Variants in GPAM observed in about 807,000 individuals in gnomAD.
The protein encoded by GPAM is glycerol-3-phosphate acyltransferase 1, mitochondrial.
In GPAM, 56 loss-of-function variants were observed where a neutral mutation model predicts 105.0. The observed-to-expected ratio is 0.53, with a 90% CI of 0.43 to 0.67. GPAM has a LOEUF of 0.67. GPAM is among the 30% of genes least tolerant of loss of function. The pLI is 0.00. For synonymous variants in GPAM, 368 were observed against 354.4 expected (o/e 1.04, Z -0.43); for missense variants, 855 against 989.8 (o/e 0.86, Z 1.83).
chr10:112,202,487 C>A (rs1226688407), intron 1 of GPAM, among the ~76,000 whole-genome samples: 1 of 152,066 alleles, frequency 6.6e-6, no homozygotes, highest in East Asian at 1.9e-4. Flanking sequence ...TTTAAAAAGG[C>A]AAAATAGGAA....
chr10:112,225,096 G>A, the GPAM span, among the ~76,000 whole-genome samples: 6 of 152,142 alleles, frequency 3.9e-5, no homozygotes, highest in African/African-American at 1.2e-4. Context: ...GCAAGAAAGT[G>A]GCCCCAGGGG....
In GPAM at chr10:112,161,674, T is replaced by C; in HGVS notation, c.1487A>G (p.His496Arg). 3.7e-6 allele frequency: 6 copies of C among 1,611,824 alleles called. No individual in the cohort carries two copies. The highest frequency in any genetic ancestry group is 5.1e-6 in the Non-Finnish European group (6 of 1,177,960). ...GTGACATTGCAGACATACCTGCCTG[T>C]GTCTGTAGAGGAGCAGGCAAGCCAC... Reference protein sequence around the residue: ...HIVACLLLYRHRQGIDLSTLV... With the variant: ...HIVACLLLYRRRQGIDLSTLV... The change falls in exon 15 of 22, where the codon CAC becomes CGC. Residue 496 changes from histidine to arginine, a missense_variant. Coordinates refer to ENST00000348367, the MANE Select transcript of GPAM (RefSeq NM_001244949.2).
chr10:112,190,445 A>G (rs1468677668), intron 1 of GPAM, among the ~76,000 whole-genome samples: 1 of 151,262 alleles, frequency 6.6e-6, no homozygotes, highest in Admixed American at 6.6e-5. Context: ...CCAGAGAGTG[A>G]GCCAAGATTG....
At chr10:112,213,233 G>A (rs1473205606) in intron 1 of GPAM, among the ~76,000 whole-genome samples, 1 of 152,154 alleles carries the variant, frequency 6.6e-6, no homozygotes, top group African/African-American at 2.4e-5. Context: ...TGGTCATGAT[G>A]ACATAGATGT....
intron 20 of GPAM, 138 bp downstream of exon 20, chr10:112,155,726 A>G (rs1234380241): frequency 3.2e-6 from 2 of 616,678 alleles, no homozygotes; most frequent in East Asian, 2.8e-5. Flanking sequence ...ATAACATGCC[A>G]AAGAAGATAA....
rs1129555 is a variant in GPAM at position 112,150,963 on chromosome 10, A to G, written c.*2587T>C. On this transcript the variant is annotated 3_prime_UTR_variant, in exon 22 of 22. Transcript: ENST00000348367. ...GATTCCAGAAGGAAGACTCGAAGCC[A>G]TCTCAGTTAACAGTTCTACACATTT... The G allele has an allele frequency of 0.72, 712,365 of 983,986 alleles. 258,178 individuals are homozygous for G. Among genetic ancestry groups the G allele is most frequent in the South Asian group, 0.82 (17,377 of 21,244 alleles). The allele number at this position is 983,986 out of a possible 1,614,324, so 61.0% of individuals were successfully genotyped here. A position where few individuals can be genotyped will look rare whatever the true frequency, so the allele number is the denominator to read the frequency against.
At position 112,151,994 on chromosome 10, in the gene GPAM, T is replaced by C; in HGVS notation, c.*1556A>G. 1.0e-6 allele frequency: 1 copy of C among 980,952 alleles called. No individual in the cohort carries two copies. The highest frequency in any genetic ancestry group is 1.2e-6 in the Non-Finnish European group (1 of 825,874). The allele number at this position is 980,952 out of a possible 1,614,324, so 60.8% of individuals were successfully genotyped here. ...GAGAGGGATCACAACAGCATAGCATTATTGCTATGAGTTTCAAACATGGTA... is the reference window on the plus strand; with the variant it reads ...GAGAGGGATCACAACAGCATAGCATCATTGCTATGAGTTTCAAACATGGTA... On this transcript the variant is annotated 3_prime_UTR_variant, in exon 22 of 22. Coordinates refer to ENST00000348367, the MANE Select transcript of GPAM (RefSeq NM_001244949.2).
At chr10:112,182,143 C>G (rs1847520857) in intron 2 of GPAM, among the ~76,000 whole-genome samples, 1 of 151,980 alleles carries the variant, frequency 6.6e-6, no homozygotes, top group South Asian at 2.1e-4. Flanking sequence ...AAATAGTATC[C>G]AAACAAAATA....
intron 5 of GPAM, among the ~76,000 whole-genome samples, chr10:112,176,449 A>G (rs1847406576): frequency 6.6e-6 from 1 of 152,236 alleles, no homozygotes; most frequent in African/African-American, 2.4e-5. Flanking sequence ...TAATGATTAC[A>G]TGATATCACA....
At position 112,168,483 on chromosome 10, in the gene GPAM, G is replaced by T. The variant is rs556948011; in HGVS notation, c.936C>A (p.Ile312=). The change falls in exon 11 of 22, where the codon ATC becomes ATA. Residue 312 remains isoleucine (I), a synonymous_variant. Coordinates refer to ENST00000348367, the MANE Select transcript of GPAM (RefSeq NM_001244949.2). The stretch of plus-strand genomic sequence containing the variant: ...TCCTAGAACGTGTGCCTTCCAGGAA[G>T]ATCTCCAAGAATTGCTGCTGTCGAA... ...ELLRQQQFLE[I]FLEGTRSRSG... 4.3e-6 allele frequency: 7 copies of T among 1,612,558 alleles called. No individual in the cohort carries two copies. The South Asian group carries it at 7.7e-5, about 18-fold the overall frequency.
At chr10:112,196,248 G>C (rs944709962) in intron 1 of GPAM, among the ~76,000 whole-genome samples, 7 of 152,316 alleles carry the variant, frequency 4.6e-5, no homozygotes, top group African/African-American at 1.7e-4. Flanking sequence ...AGGAGAAGCT[G>C]AACTACTTTG....
chr10:112,214,831 T>C lies in GPAM; in HGVS notation n.210+337A>G, dbSNP rs759152868. Among the ~76,000 whole-genome samples the C allele has an allele frequency of 8.4e-4, 128 of 152,290 alleles. 2 individuals carry two copies. The highest frequency in any genetic ancestry group is 8.3e-4 in the South Asian group (4 of 4,830). On this transcript the variant is annotated intron_variant and non_coding_transcript_variant, in intron 1 of 3. Transcript: ENST00000480130. ...AACTGTCCAAAACCTTCTCAGGATTTGGGGGTTCTGAGCCAGGATGGAGGA... is the reference window on the plus strand; with the variant it reads ...AACTGTCCAAAACCTTCTCAGGATTCGGGGGTTCTGAGCCAGGATGGAGGA...
chr10:112,186,703 C>G (rs1026131881), upstream of GPAM, among the ~76,000 whole-genome samples: 1 of 152,024 alleles, frequency 6.6e-6, no homozygotes, highest in Admixed American at 6.6e-5. Context: ...CCCGCCACAA[C>G]GCCCAGCTAA....
intron 9 of GPAM, 107 bp from the exon 10 acceptor site, chr10:112,169,059 C>T (rs1194991157): frequency 4.0e-6 from 3 of 752,196 alleles, no homozygotes; most frequent in African/African-American, 3.5e-5. Flanking sequence ...GCCATATGTG[C>T]CGTTTGAGCA....
chr10:112,157,196 C>A (rs1458141002), intron 19 of GPAM, 53 bp downstream of exon 19: 1 of 1,510,532 alleles, frequency 6.6e-7, no homozygotes, highest in Admixed American at 1.7e-5. Flanking sequence ...CTCACTGCAG[C>A]ATAAACCTCA....
Position 112,151,228 on chromosome 10 carries a change from A to T in GPAM, c.*2322T>A, listed in dbSNP as rs1241574842. Reference sequence around the variant, plus strand: ...TTATTTACAAGCACCTAGTTTGTTTAACCTTATGTGGAAGCCATCACTGTT... The same window carrying T: ...TTATTTACAAGCACCTAGTTTGTTTTACCTTATGTGGAAGCCATCACTGTT... On this transcript the variant is annotated 3_prime_UTR_variant, in exon 22 of 22. Transcript: ENST00000348367. 1 of 985,602 alleles carries T rather than the reference A, an allele frequency of 1.0e-6. No homozygotes were observed. 61.1% of individuals were successfully genotyped at this position (985,602 alleles called of 1,614,324 possible).
intron 1 of GPAM, among the ~76,000 whole-genome samples, chr10:112,210,143 A>ATTC (rs1847895523): frequency 6.6e-6 from 1 of 152,224 alleles, no homozygotes; most frequent in Admixed American, 6.5e-5. Context: ...AGCAAGGCTG[A>ATTC]AGTTCTGGGA....
At chr10:112,174,391 A>G (rs1033498960) in intron 6 of GPAM, among the ~76,000 whole-genome samples, 12 of 152,204 alleles carry the variant, frequency 7.9e-5, no homozygotes, top group Admixed American at 7.2e-4. Context: ...GCTCAAGATC[A>G]AAAGAGCACA....
At chr10:112,184,340 T>C (rs534469826), upstream of GPAM, among the ~76,000 whole-genome samples, 347 of 152,290 alleles carry the variant, frequency 2.3e-3, 1 homozygote, top group Middle Eastern at 6.8e-3. Context: ...TAATAATGTA[T>C]TATACAGTTC....
Sources: allele counts gnomAD v4.1 joint callset (sites outside exome capture counted in the v4.1 genomes callset), GRCh38; gene constraint gnomAD v4.1.1; transcripts MANE v1.5; gene names NCBI Gene and HGNC (gene_info 2026-07-23, HGNC 2026-07-21).